Variants in MGAT4C observed in about 807,000 individuals in gnomAD.
MGAT4C encodes alpha-1,3-mannosyl-glycoprotein 4-beta-N-acetylglucosaminyltransferase C.
Under a neutral mutation model 40.1 loss-of-function variants are expected in MGAT4C, and 19 were observed. The ratio of observed to expected loss-of-function variants is 0.47; its 90% confidence interval spans 0.33 to 0.70. The LOEUF is 0.70. Among genes scored for constraint, MGAT4C ranks in the 30% least tolerant of loss-of-function variants. The pLI is 0.02. For missense variants in MGAT4C, 491 were observed against 563.2 expected, an observed-to-expected ratio of 0.87 and a Z score of 1.30; for synonymous variants, 181 against 187.1, an observed-to-expected ratio of 0.97 and a Z score of 0.27.
intron 1 of MGAT4C, among the ~76,000 whole-genome samples, chr12:86,790,384 G>A (rs996094919): frequency 1.3e-5 from 2 of 152,092 alleles, no homozygotes; most frequent in African/African-American, 4.8e-5. Flanking sequence ...CTAAGGAGAA[G>A]AGGGAGGGCA....
chr12:86,440,850 A>G (rs1355235607), intron 2 of MGAT4C, among the ~76,000 whole-genome samples: 1 of 152,120 alleles, frequency 6.6e-6, no homozygotes, highest in East Asian at 1.9e-4. Flanking sequence ...CTGAAAACAA[A>G]TCAACAACTC....
chr12:86,260,345 G>A (rs887253705), upstream of MGAT4C, among the ~76,000 whole-genome samples: 3 of 151,992 alleles, frequency 2.0e-5, no homozygotes, highest in Admixed American at 6.6e-5. Context: ...TTCTAAACTC[G>A]TTTCTCAATG....
intron 2 of MGAT4C, among the ~76,000 whole-genome samples, chr12:86,574,877 T>A (rs1960500789): frequency 6.6e-6 from 1 of 151,850 alleles, no homozygotes; most frequent in Admixed American, 6.6e-5. Context: ...ATTTTTATCC[T>A]AAAGTTCATA....
chr12:86,221,184 T>A (rs1447543965), intron 1 of MGAT4C, among the ~76,000 whole-genome samples: 1 of 152,156 alleles, frequency 6.6e-6, no homozygotes, highest in Non-Finnish European at 1.5e-5. Context: ...TGTTGTTAAA[T>A]TTAATTCTGT....
intron 4 of MGAT4C, among the ~76,000 whole-genome samples, chr12:86,291,223 C>A (rs980674022): frequency 3.3e-5 from 5 of 152,128 alleles, no homozygotes; most frequent in Admixed American, 3.3e-4. Context: ...AATAGTTTGC[C>A]AAGTTCTTAA....
At chr12:86,400,762 C>A (rs1476314266) in intron 3 of MGAT4C, among the ~76,000 whole-genome samples, 1 of 152,072 alleles carries the variant, frequency 6.6e-6, no homozygotes, top group African/African-American at 2.4e-5. Context: ...AGTGATGGAG[C>A]CTTTTATGGT....
chr12:86,270,709 AG>A (rs1276111719), intron 4 of MGAT4C, among the ~76,000 whole-genome samples: 1 of 152,238 alleles, frequency 6.6e-6, no homozygotes, highest in Non-Finnish European at 1.5e-5. Context: ...AAGTGCAAAT[AG>A]TGCAAGCAAT....
chr12:86,382,801 C>T (rs1955967345), intron 3 of MGAT4C, among the ~76,000 whole-genome samples: 1 of 152,200 alleles, frequency 6.6e-6, no homozygotes. Context: ...TAGAAGTTTC[C>T]ATGGGATTTT....
chr12:86,826,189 A>T (rs2136231556), intron 1 of MGAT4C, among the ~76,000 whole-genome samples: 1 of 151,506 alleles, frequency 6.6e-6, no homozygotes, highest in East Asian at 2.0e-4. Context: ...TGCCCTGCCT[A>T]ATTTGCACAT....
At chr12:86,692,032 T>C (rs1950182394) in intron 2 of MGAT4C, among the ~76,000 whole-genome samples, 2 of 152,086 alleles carry the variant, frequency 1.3e-5, no homozygotes, top group South Asian at 4.1e-4. Flanking sequence ...GAAGAGGAAA[T>C]TGTTACACTA....
At chr12:86,135,515 G>A (rs1195690951) in intron 1 of MGAT4C, among the ~76,000 whole-genome samples, 1 of 152,074 alleles carries the variant, frequency 6.6e-6, no homozygotes, top group Non-Finnish European at 1.5e-5. Flanking sequence ...AGCAAATATT[G>A]AGGTTGTATT....
At chr12:86,280,316 T>C (rs1050455839) in intron 4 of MGAT4C, among the ~76,000 whole-genome samples, 2 of 151,962 alleles carry the variant, frequency 1.3e-5, no homozygotes, top group Non-Finnish European at 2.9e-5. Flanking sequence ...ATATCTACGT[T>C]CTCCAGTGTT....
At chr12:86,267,750 A>G (rs1041827500) in intron 4 of MGAT4C, among the ~76,000 whole-genome samples, 3 of 152,172 alleles carry the variant, frequency 2.0e-5, no homozygotes, top group Non-Finnish European at 2.9e-5. Flanking sequence ...CAGAGCAAAG[A>G]TGAACATATT....
At chr12:86,759,315 TTGG>T (rs1222134200) in intron 1 of MGAT4C, among the ~76,000 whole-genome samples, 1 of 152,138 alleles carries the variant, frequency 6.6e-6, no homozygotes. Context: ...TGTTTCCTAT[TTGG>T]CTGTTGTGAA....
At chr12:86,214,247 A>C (rs1010086439) in intron 1 of MGAT4C, among the ~76,000 whole-genome samples, 1 of 152,024 alleles carries the variant, frequency 6.6e-6, no homozygotes, top group Non-Finnish European at 1.5e-5. Context: ...TTTCTTCTGG[A>C]CTATGTGGGT....
chr12:86,762,967 A>G (rs1951433523), intron 1 of MGAT4C, among the ~76,000 whole-genome samples: 1 of 152,166 alleles, frequency 6.6e-6, no homozygotes, highest in African/African-American at 2.4e-5. Flanking sequence ...TCTCCATGGG[A>G]TTTATGCTTC....
chr12:86,758,572 T>C (rs1376521162), intron 1 of MGAT4C, among the ~76,000 whole-genome samples: 1 of 152,060 alleles, frequency 6.6e-6, no homozygotes, highest in East Asian at 1.9e-4. Context: ...TTAGTAAATT[T>C]CTTATATTAT....
At chr12:86,134,184 C>T (rs1326382921) in intron 1 of MGAT4C, among the ~76,000 whole-genome samples, 5 of 151,998 alleles carry the variant, frequency 3.3e-5, no homozygotes, top group African/African-American at 1.2e-4. Flanking sequence ...TTCTAATAGT[C>T]TTGTCTAAAT....
intron 2 of MGAT4C, among the ~76,000 whole-genome samples, chr12:86,003,012 G>C (rs960710830): frequency 1.6e-4 from 24 of 151,988 alleles, no homozygotes. Flanking sequence ...TGTTGCCCAG[G>C]CTGGTCCAGA....
Sources: allele counts gnomAD v4.1 joint callset (sites outside exome capture counted in the v4.1 genomes callset), GRCh38; gene constraint gnomAD v4.1.1; transcripts MANE v1.5; gene names NCBI Gene and HGNC (gene_info 2026-07-23, HGNC 2026-07-21).